Variants in ZNF362 observed in about 807,000 individuals in gnomAD.
The protein encoded by ZNF362 is rotund homolog.
ZNF362 carries 11 observed loss-of-function variants against 42.9 expected under a neutral mutation model. That is an observed-to-expected ratio of 0.26 (90% confidence interval 0.16 to 0.42). The LOEUF is 0.42. Among genes scored for constraint, ZNF362 ranks in the 20% least tolerant of loss-of-function variants. ZNF362 has a pLI of 1.00. For synonymous variants in ZNF362, 255 were observed against 257.3 expected, an observed-to-expected ratio of 0.99 and a Z score of 0.09; for missense variants, 362 against 576.2, an observed-to-expected ratio of 0.63 and a Z score of 3.81.
At chr1:33,212,503 TTTAA>T in the ZNF362 span, among the ~76,000 whole-genome samples, 12 of 152,180 alleles carry the variant, frequency 7.9e-5, no homozygotes, top group East Asian at 2.3e-3. Flanking sequence ...AGAAAAGTGG[TTTAA>T]TTGAGTCACA....
chr1:33,188,539 C>T, the ZNF362 span, among the ~76,000 whole-genome samples: 1 of 152,212 alleles, frequency 6.6e-6, no homozygotes, highest in African/African-American at 2.4e-5. Flanking sequence ...AGAAGAGTCA[C>T]AGCACCTCCA....
At chr1:33,277,301 G>A (rs946350414) in intron 4 of ZNF362, among the ~76,000 whole-genome samples, 42 of 152,228 alleles carry the variant, frequency 2.8e-4, no homozygotes, top group African/African-American at 9.2e-4. Flanking sequence ...GTAAAGCCAC[G>A]TGCAACCACG....
intron 8 of ZNF362, among the ~76,000 whole-genome samples, chr1:33,296,362 G>T (rs1481809377): frequency 6.6e-6 from 1 of 152,084 alleles, no homozygotes; most frequent in African/African-American, 2.4e-5. Context: ...CTGCATTCTG[G>T]AGTCCTGCAT....
chr1:33,152,744 A>T, the ZNF362 span, among the ~76,000 whole-genome samples: 1 of 152,176 alleles, frequency 6.6e-6, no homozygotes, highest in Non-Finnish European at 1.5e-5. Context: ...TGTTTTACAG[A>T]TGAGGAAACT....
chr1:33,155,547 G>A, the ZNF362 span, among the ~76,000 whole-genome samples: 1 of 152,316 alleles, frequency 6.6e-6, no homozygotes, highest in East Asian at 1.9e-4. Context: ...AGAATGGCCA[G>A]TGAGCTTAGT....
At chr1:33,207,011 T>A in the ZNF362 span, among the ~76,000 whole-genome samples, 1 of 152,168 alleles carries the variant, frequency 6.6e-6, no homozygotes, top group Non-Finnish European at 1.5e-5. Flanking sequence ...GCAGGTTTGT[T>A]ACACAGATAT....
At chr1:33,270,385 G>A (rs1645893386) in intron 1 of ZNF362, 102 bp from the exon 2 acceptor site, 1 of 552,988 alleles carries the variant, frequency 1.8e-6, no homozygotes, top group Admixed American at 3.4e-5. Context: ...TCAGTGACAT[G>A]AATCATGACA....
rs765400919 is a variant in ZNF362 at position 33,276,199 on chromosome 1, T to A, written c.102+36T>A. 1.9e-6 allele frequency: 3 copies of A among 1,609,596 alleles called. No homozygotes were observed. The Admixed American group carries it at 5.0e-5, about 27-fold the overall frequency. ...CGTCGCCCCTCCGGCTGCCCTACCCTCCTTGGCGCTGCTTCGCTTCCCCTG... is the reference window on the plus strand; with the variant it reads ...CGTCGCCCCTCCGGCTGCCCTACCCACCTTGGCGCTGCTTCGCTTCCCCTG... On this transcript the variant is annotated intron_variant, in intron 3 of 8. Transcript: ENST00000539719.
the ZNF362 span, among the ~76,000 whole-genome samples, chr1:33,232,100 G>A: frequency 6.6e-6 from 1 of 151,986 alleles, no homozygotes; most frequent in African/African-American, 2.4e-5. Flanking sequence ...TCAGTATTGG[G>A]GCATGAGTCA....
At chr1:33,226,885 A>G in the ZNF362 span, among the ~76,000 whole-genome samples, 2 of 152,146 alleles carry the variant, frequency 1.3e-5, no homozygotes, top group Admixed American at 6.5e-5. Flanking sequence ...AGCAAAACAA[A>G]ACAAGACACC....
the ZNF362 span, among the ~76,000 whole-genome samples, chr1:33,245,605 C>A: frequency 3.9e-5 from 6 of 152,082 alleles, no homozygotes; most frequent in Non-Finnish European, 5.9e-5. Flanking sequence ...GGTAGGCATA[C>A]AACTGTGAAC....
At chr1:33,137,342 G>C in the ZNF362 span, among the ~76,000 whole-genome samples, 1 of 152,064 alleles carries the variant, frequency 6.6e-6, no homozygotes, top group Non-Finnish European at 1.5e-5. Flanking sequence ...GATAAAAATG[G>C]TATCTCCTCT....
the ZNF362 span, among the ~76,000 whole-genome samples, chr1:33,144,171 T>C: frequency 4.7e-5 from 7 of 148,734 alleles, no homozygotes; most frequent in African/African-American, 1.7e-4. Context: ...GGAGTTTCGC[T>C]CTTTGCCCAG....
chr1:33,295,041 A>G, intron 7 of ZNF362, 26 bp downstream of exon 7: 1 of 1,613,218 alleles, frequency 6.2e-7, no homozygotes, highest in Non-Finnish European at 8.5e-7. Flanking sequence ...CCTCCTGCCC[A>G]CCAGGTGCTC....
the ZNF362 span, among the ~76,000 whole-genome samples, chr1:33,209,001 A>G: frequency 6.6e-6 from 1 of 152,156 alleles, no homozygotes; most frequent in East Asian, 1.9e-4. Flanking sequence ...GTCTTGTCCC[A>G]GTTTTCAAAG....
chr1:33,273,252 G>T (rs1645919048), intron 2 of ZNF362, among the ~76,000 whole-genome samples: 1 of 152,240 alleles, frequency 6.6e-6, no homozygotes. Flanking sequence ...CCAGGACTAG[G>T]GTCACTGACT....
chr1:33,258,904 A>G (rs924526248), intron 1 of ZNF362, among the ~76,000 whole-genome samples: 11 of 152,174 alleles, frequency 7.2e-5, no homozygotes, highest in African/African-American at 2.4e-4. Context: ...ACAGTGGCAG[A>G]GGAGGCTTAA....
the ZNF362 span, among the ~76,000 whole-genome samples, chr1:33,213,592 A>G: frequency 4.5e-4 from 68 of 152,126 alleles, no homozygotes; most frequent in Non-Finnish European, 1.3e-4. Flanking sequence ...CACGCCTGTA[A>G]TCCAAGCACT....
chr1:33,235,648 A>G, the ZNF362 span, among the ~76,000 whole-genome samples: 1 of 152,210 alleles, frequency 6.6e-6, no homozygotes. Flanking sequence ...AATGCTGAAT[A>G]CAGAACAGGC....
Sources: allele counts gnomAD v4.1 joint callset (sites outside exome capture counted in the v4.1 genomes callset), GRCh38; gene constraint gnomAD v4.1.1; transcripts MANE v1.5; gene names NCBI Gene and HGNC (gene_info 2026-07-23, HGNC 2026-07-21).